The following C10orf67 variants were observed in gnomAD, a reference collection of about 807,000 sequenced individuals.
C10orf67 encodes the protein uncharacterized protein C10orf67, mitochondrial.
In C10orf67, 60 loss-of-function variants were observed where a neutral mutation model predicts 35.6. The ratio of observed to expected loss-of-function variants is 1.68; its 90% confidence interval spans 1.37 to 2.09. The LOEUF is 2.09. Among genes scored for constraint, C10orf67 ranks in the 30% most tolerant of loss-of-function variants. C10orf67 has a pLI of 0.00. For missense variants in C10orf67, 474 were observed against 330.2 expected, an observed-to-expected ratio of 1.44 and a Z score of -3.38; for synonymous variants, 167 against 115.8, an observed-to-expected ratio of 1.44 and a Z score of -2.84.
chr10:23,305,588 A>G (rs1236014852), intron 4 of C10orf67, among the ~76,000 whole-genome samples: 1 of 152,250 alleles, frequency 6.6e-6, no homozygotes, highest in Non-Finnish European at 1.5e-5. Context: ...ATCATCAGGA[A>G]GATGCAAATC....
chr10:23,235,505 G>A (rs958421025), intron 13 of C10orf67, among the ~76,000 whole-genome samples: 1 of 152,144 alleles, frequency 6.6e-6, no homozygotes, highest in Non-Finnish European at 1.5e-5. Context: ...AAAAATACAG[G>A]AATAGAGGAA....
chr10:23,344,439 T>G (rs11013409), intron 1 of C10orf67, 130 bp downstream of exon 1: 476,067 of 918,164 alleles, frequency 0.52, 128,167 homozygotes, highest in East Asian at 0.82. Flanking sequence ...CCCACAAGAC[T>G]CCCACAGCCT....
chr10:23,270,859 AG>A lies in C10orf67; in HGVS notation c.976-3606del, dbSNP rs544608948. ...GCTTCTTTAAGTGGAACCCTGATCC[AG>A]CTCTCCTCACTGGGTGGGGCCTCCC... On this transcript the variant is annotated intron_variant, in intron 8 of 15. Transcript: ENST00000636213. Among the ~76,000 whole-genome samples, 50 of 152,320 alleles carry A rather than the reference AG, an allele frequency of 3.3e-4. No homozygotes were observed. The East Asian group carries it at 9.5e-3, about 29-fold the overall frequency.
chr10:23,303,815 C>T (rs951740326), intron 4 of C10orf67, among the ~76,000 whole-genome samples: 6 of 152,122 alleles, frequency 3.9e-5, no homozygotes, highest in African/African-American at 9.7e-5. Flanking sequence ...GGCAGCCATC[C>T]GTGGACAAAA....
At chr10:23,236,695 T>C (rs1351461797) in intron 13 of C10orf67, among the ~76,000 whole-genome samples, 1 of 151,940 alleles carries the variant, frequency 6.6e-6, no homozygotes, top group Admixed American at 6.5e-5. Flanking sequence ...CTGGTCAACA[T>C]GGTGAAACCC....
At chr10:23,339,273 A>C (rs912665805) in intron 1 of C10orf67, among the ~76,000 whole-genome samples, 1 of 152,098 alleles carries the variant, frequency 6.6e-6, no homozygotes, top group Non-Finnish European at 1.5e-5. Context: ...GATTCTGAAT[A>C]CCAAGGGGCA....
chr10:23,334,042 A>C (rs896036441), intron 1 of C10orf67, among the ~76,000 whole-genome samples: 2 of 152,198 alleles, frequency 1.3e-5, no homozygotes, highest in Non-Finnish European at 2.9e-5. Flanking sequence ...TAAGTGAATC[A>C]ATATATTTTA....
intron 5 of C10orf67, among the ~76,000 whole-genome samples, chr10:23,301,393 G>A (rs1444199566): frequency 6.6e-6 from 1 of 152,214 alleles, no homozygotes; most frequent in Admixed American, 6.5e-5. Context: ...AAGTCCGGTG[G>A]TCACGCTAAT....
intron 2 of C10orf67, among the ~76,000 whole-genome samples, chr10:23,332,181 T>G (rs566301714): frequency 6.6e-6 from 1 of 152,336 alleles, no homozygotes; most frequent in South Asian, 2.1e-4. Flanking sequence ...GCTAAATATA[T>G]GATGCACATT....
chr10:23,328,993 CAAAAAA>C (rs57772405), intron 2 of C10orf67, among the ~76,000 whole-genome samples: 98 of 78,728 alleles, frequency 1.2e-3, no homozygotes, highest in Admixed American at 4.0e-3. Flanking sequence ...CATAAACGAA[CAAAAAA>C]AAAAAAAAAA....
chr10:23,262,054 A>G (rs1842763087), intron 10 of C10orf67, among the ~76,000 whole-genome samples: 1 of 152,200 alleles, frequency 6.6e-6, no homozygotes, highest in South Asian at 2.1e-4. Context: ...CTAAATCCAA[A>G]GACAGTGGTC....
chr10:23,238,951 T>C (rs932739514), intron 13 of C10orf67, among the ~76,000 whole-genome samples: 1 of 152,094 alleles, frequency 6.6e-6, no homozygotes, highest in African/African-American at 2.4e-5. Context: ...TGCAGCAACT[T>C]AAATTTAGAA....
chr10:23,335,248 CA>C (rs1845635068), intron 1 of C10orf67, among the ~76,000 whole-genome samples: 1 of 151,648 alleles, frequency 6.6e-6, no homozygotes, highest in Non-Finnish European at 1.5e-5. Flanking sequence ...GCCATTGACT[CA>C]ATTAGCTCTG....
chr10:23,268,593 A>G (rs2132203726), intron 8 of C10orf67, among the ~76,000 whole-genome samples: 1 of 152,318 alleles, frequency 6.6e-6, no homozygotes, highest in South Asian at 2.1e-4. Context: ...TTGCAGTCTG[A>G]GAGGATAGTT....
At chr10:23,309,303 C>T (rs761700932) in intron 4 of C10orf67, among the ~76,000 whole-genome samples, 2 of 152,120 alleles carry the variant, frequency 1.3e-5, no homozygotes, top group Non-Finnish European at 2.9e-5. Flanking sequence ...AAACTAAATA[C>T]CACATGTTCT....
chr10:23,320,656 G>T, intron 4 of C10orf67, 85 bp downstream of exon 4: 1 of 1,040,162 alleles, frequency 9.6e-7, no homozygotes, highest in Non-Finnish European at 1.4e-6. Flanking sequence ...ACACAGACTG[G>T]GAAGCCAAGG....
At chr10:23,309,506 T>A (rs76702228) in intron 4 of C10orf67, among the ~76,000 whole-genome samples, 5,422 of 152,316 alleles carry the variant, frequency 0.036, 309 homozygotes, top group African/African-American at 0.12. Context: ...TATACCCATG[T>A]AACAAGCATG....
At chr10:23,244,523 A>T (rs142248805) in intron 12 of C10orf67, among the ~76,000 whole-genome samples, 22 of 152,310 alleles carry the variant, frequency 1.4e-4, no homozygotes, top group African/African-American at 5.3e-4. Flanking sequence ...GATACAAAAT[A>T]AACATACAAA....
intron 8 of C10orf67, among the ~76,000 whole-genome samples, chr10:23,274,482 C>T (rs559823656): frequency 1.3e-5 from 2 of 152,198 alleles, no homozygotes; most frequent in South Asian, 4.1e-4. Flanking sequence ...ATTAATATTT[C>T]TTGCTGGGAA....
Sources: allele counts gnomAD v4.1 joint callset (sites outside exome capture counted in the v4.1 genomes callset), GRCh38; gene constraint gnomAD v4.1.1; transcripts MANE v1.5; gene names NCBI Gene and HGNC (gene_info 2026-07-23, HGNC 2026-07-21).